Variants in ABCG2 observed in about 807,000 individuals in gnomAD.
ABCG2 encodes broad substrate specificity ATP-binding cassette transporter ABCG2.
ABCG2 carries 80 observed loss-of-function variants against 73.5 expected under a neutral mutation model. The ratio of observed to expected loss-of-function variants is 1.09; its 90% CI spans 0.91 to 1.31. ABCG2 has a LOEUF of 1.31. ABCG2 is among the 50% of genes most tolerant of loss of function. The pLI, the probability that ABCG2 is intolerant of heterozygous loss-of-function variation, is 0.00. For missense variants in ABCG2, 796 were observed against 786.2 expected (o/e 1.01, Z -0.15); for synonymous variants, 269 against 282.4 (o/e 0.95, Z 0.48).
intron 5 of ABCG2, among the ~76,000 whole-genome samples, chr4:88,126,528 A>G (rs963782995): frequency 6.6e-6 from 1 of 152,246 alleles, no homozygotes; most frequent in African/African-American, 2.4e-5. Flanking sequence ...AATATCCTCA[A>G]TAAACTACTG....
chr4:88,150,118 C>T (rs1298063630), intron 1 of ABCG2, among the ~76,000 whole-genome samples: 2 of 152,078 alleles, frequency 1.3e-5, no homozygotes, highest in Non-Finnish European at 2.9e-5. Context: ...AATTTGGAGA[C>T]CAGCCTGGAC....
chr4:88,122,311 A>G (rs1183957421), intron 5 of ABCG2, among the ~76,000 whole-genome samples: 2 of 149,724 alleles, frequency 1.3e-5, no homozygotes, highest in African/African-American at 4.8e-5. Flanking sequence ...TGCCAGCGCG[A>G]CAAAACTGTT....
At chr4:88,119,117 G>C (rs1013306596) in intron 6 of ABCG2, among the ~76,000 whole-genome samples, 2 of 152,120 alleles carry the variant, frequency 1.3e-5, no homozygotes, top group Admixed American at 6.5e-5. Flanking sequence ...TGTTCTCGTG[G>C]TACTGAAAAA....
chr4:88,105,856 A>C (rs553721991), intron 10 of ABCG2, among the ~76,000 whole-genome samples: 3 of 152,334 alleles, frequency 2.0e-5, no homozygotes, highest in African/African-American at 7.2e-5. Flanking sequence ...ACAAAAAAAC[A>C]AACAATTCAA....
chr4:88,170,919 A>C (rs1431932933), intron 1 of ABCG2, among the ~76,000 whole-genome samples: 1 of 152,214 alleles, frequency 6.6e-6, no homozygotes, highest in Non-Finnish European at 1.5e-5. Context: ...AGACATATAC[A>C]CCATGAAGTA....
chr4:88,227,029 G>A (rs923830857), intron 1 of ABCG2, among the ~76,000 whole-genome samples: 1 of 152,146 alleles, frequency 6.6e-6, no homozygotes, highest in Admixed American at 6.6e-5. Flanking sequence ...GAAGCCTTGA[G>A]GTAGAGGCTG....
intron 15 of ABCG2, among the ~76,000 whole-genome samples, 178 bp downstream of exon 15, chr4:88,094,399 A>T (rs1256101215): frequency 2.0e-5 from 3 of 151,818 alleles, no homozygotes; most frequent in Admixed American, 6.6e-5. Context: ...CAGAATACTG[A>T]GGGGTTGTGC....
upstream of ABCG2, chr4:88,231,363 C>T (rs545710478): frequency 5.9e-4 from 90 of 152,230 alleles, no homozygotes; most frequent in African/African-American, 2.1e-3. Flanking sequence ...CTTTCTCGAT[C>T]ACTGGGATTC....
At chr4:88,125,279 G>C (rs568678551) in intron 5 of ABCG2, among the ~76,000 whole-genome samples, 4 of 138,416 alleles carry the variant, frequency 2.9e-5, no homozygotes, top group Non-Finnish European at 6.3e-5. Context: ...GCAACAGAGC[G>C]AGACTCTGTC....
intron 1 of ABCG2, among the ~76,000 whole-genome samples, chr4:88,180,197 A>G (rs778789475): frequency 6.6e-6 from 1 of 152,200 alleles, no homozygotes; most frequent in Non-Finnish European, 1.5e-5. Context: ...TAAGTAACAT[A>G]TAATGGAGCT....
chr4:88,094,405 T>C (rs925181415), intron 15 of ABCG2, among the ~76,000 whole-genome samples, 172 bp downstream of exon 15: 13 of 152,230 alleles, frequency 8.5e-5, no homozygotes, highest in African/African-American at 2.7e-4. Context: ...ACTGAGGGGT[T>C]GTGCCACATG....
chr4:88,113,745 G>A (rs543208116), intron 8 of ABCG2, among the ~76,000 whole-genome samples, 192 bp from the exon 9 acceptor site: 2 of 151,864 alleles, frequency 1.3e-5, no homozygotes, highest in African/African-American at 2.4e-5. Flanking sequence ...GGTGGATTAC[G>A]AGGTCAGGAG....
intron 1 of ABCG2, among the ~76,000 whole-genome samples, chr4:88,145,734 G>A (rs1725942546): frequency 6.6e-6 from 1 of 152,150 alleles, no homozygotes; most frequent in Non-Finnish European, 1.5e-5. Context: ...GAGGTCAGGA[G>A]TTCAAGACCA....
intron 1 of ABCG2, among the ~76,000 whole-genome samples, chr4:88,217,423 G>C (rs1729853417): frequency 6.6e-6 from 1 of 152,150 alleles, no homozygotes; most frequent in Non-Finnish European, 1.5e-5. Context: ...CACTTTGTGA[G>C]GCCGAGGTGA....
At chr4:88,151,611 C>T (rs1005849247) in intron 1 of ABCG2, among the ~76,000 whole-genome samples, 11 of 151,776 alleles carry the variant, frequency 7.2e-5, no homozygotes, top group African/African-American at 2.4e-4. Flanking sequence ...GGTGGAGGGG[C>T]GCCGGTAGTC....
At chr4:88,169,207 G>A (rs996134294) in intron 1 of ABCG2, among the ~76,000 whole-genome samples, 5 of 151,826 alleles carry the variant, frequency 3.3e-5, no homozygotes, top group African/African-American at 4.8e-5. Context: ...CACCATGCCC[G>A]GCTAATTTTT....
intron 5 of ABCG2, among the ~76,000 whole-genome samples, chr4:88,124,246 C>G (rs1177123728): frequency 1.3e-5 from 2 of 152,218 alleles, no homozygotes; most frequent in African/African-American, 2.4e-5. Context: ...TATGAAGAAA[C>G]TGCATCAATT....
At chr4:88,141,487 T>A (rs1274881165) in intron 1 of ABCG2, among the ~76,000 whole-genome samples, 1 of 152,158 alleles carries the variant, frequency 6.6e-6, no homozygotes, top group Non-Finnish European at 1.5e-5. Flanking sequence ...AAAATTTTGT[T>A]GGTGTTGAGT....
chr4:88,207,031 G>A lies in ABCG2; in HGVS notation c.-20+23963C>T, dbSNP rs118013835. 7.4e-3 allele frequency among the ~76,000 whole-genome samples: 1,123 copies of A among 152,210 alleles called. 39 individuals are homozygous for A. The highest frequency in any genetic ancestry group is 0.058 in the East Asian group (302 of 5,166). ...GCTGCTTTCCAACTCCTGACCTCAG[G>A]TGATCCACCCGCCTTGGCCTCCCGA... On this transcript the variant is annotated intron_variant, in intron 1 of 15. Transcript: ENST00000515655.
Sources: allele counts gnomAD v4.1 joint callset (sites outside exome capture counted in the v4.1 genomes callset), GRCh38; gene constraint gnomAD v4.1.1; transcripts MANE v1.5; gene names NCBI Gene and HGNC (gene_info 2026-07-23, HGNC 2026-07-21).